MACROD2: variants seen among roughly 807,000 people sequenced by gnomAD.
MACROD2 encodes the protein ADP-ribose glycohydrolase MACROD2.
In MACROD2, 36 loss-of-function variants were observed where a neutral mutation model predicts 70.4. That is an observed-to-expected ratio of 0.51 (90% confidence interval 0.39 to 0.68). The LOEUF (loss-of-function observed/expected upper bound fraction) is 0.68. Ranked by LOEUF, MACROD2 falls within the 30% of genes least tolerant of loss-of-function variation. The pLI, the probability that MACROD2 is intolerant of heterozygous loss-of-function variation, is 0.00. For synonymous variants in MACROD2, 172 were observed against 178.8 expected (o/e 0.96, Z 0.30); for missense variants, 496 against 538.4 (o/e 0.92, Z 0.78).
At chr20:15,577,796 C>T (rs1026084540) in intron 8 of MACROD2, among the ~76,000 whole-genome samples, 5 of 152,132 alleles carry the variant, frequency 3.3e-5, no homozygotes, top group African/African-American at 1.2e-4. Flanking sequence ...TCATTGTTTT[C>T]TCCCGTGACT....
At chr20:14,336,908 A>G (rs577953372) in intron 3 of MACROD2, among the ~76,000 whole-genome samples, 4 of 152,340 alleles carry the variant, frequency 2.6e-5, no homozygotes, top group African/African-American at 2.4e-5. Context: ...ACAGAGGCAC[A>G]TAAGTCTCCA....
chr20:15,245,070 C>T (rs77249529), intron 6 of MACROD2, among the ~76,000 whole-genome samples: 12,303 of 152,232 alleles, frequency 0.081, 644 homozygotes, highest in Admixed American at 0.11. Context: ...AACCATTCAA[C>T]ATGGTAGTGT....
chr20:16,014,777 A>G (rs2066908324), intron 15 of MACROD2, among the ~76,000 whole-genome samples: 1 of 152,148 alleles, frequency 6.6e-6, no homozygotes, highest in Non-Finnish European at 1.5e-5. Context: ...TTGGCCAAGT[A>G]AAGACCCCGC....
intron 3 of MACROD2, among the ~76,000 whole-genome samples, chr20:14,466,577 C>T (rs6135155): frequency 0.26 from 40,145 of 152,032 alleles, 5,529 homozygotes; most frequent in Admixed American, 0.31. Flanking sequence ...TTGCTGGTGA[C>T]GAGCTGCGTT....
In MACROD2 at chr20:14,327,069, T is replaced by C. The variant is rs2122580826; in HGVS notation, c.272-166410T>C. The C allele has an allele frequency of 1.9e-6, 3 of 1,613,774 alleles. No individual in the cohort carries two copies. The East Asian group carries it at 6.7e-5, about 36-fold the overall frequency. ...AGTTGCTGTCTCGGAATGCTCCCTC[T>C]TCTATGCTAACTGCAGAGACAGAGT... On this transcript the variant is annotated intron_variant, in intron 3 of 17. Transcript: ENST00000684519.
intron 3 of MACROD2, chr20:14,325,455 C>T: frequency 7.9e-6 from 10 of 1,258,304 alleles, no homozygotes; most frequent in African/African-American, 6.0e-5. Context: ...TGCTTTTTTT[C>T]AGTCTCTTTT....
Position 15,986,802 on chromosome 20 carries a change from G to C in MACROD2, c.1060+1G>C. The C allele has an allele frequency of 6.2e-7, 1 of 1,603,828 alleles. No individual in the cohort carries two copies. Among genetic ancestry groups the C allele is most frequent in the South Asian group, 1.1e-5 (1 of 90,644 alleles). ...CAGAGCTCATATATGGAAACAGAAG[G>C]TACTGAAACCAAAATATATTGTTAT... On this transcript the variant is annotated splice_donor_variant, in intron 14 of 17. Coordinates refer to ENST00000684519, the MANE Select transcript of MACROD2 (RefSeq NM_001351661.2). LOFTEE classifies it high-confidence loss of function.
intron 5 of MACROD2, chr20:14,884,326 T>G (rs2073645260): frequency 6.6e-6 from 1 of 152,414 alleles, no homozygotes; most frequent in South Asian, 2.1e-4. Context: ...CAGAAAAGGC[T>G]TGACTGTGCT....
intron 5 of MACROD2, among the ~76,000 whole-genome samples, chr20:15,029,981 C>A (rs944982454): frequency 6.6e-6 from 1 of 151,230 alleles, no homozygotes; most frequent in Non-Finnish European, 1.5e-5. Flanking sequence ...ACCCAGCTAC[C>A]CAGGAGGCTG....
intron 5 of MACROD2, among the ~76,000 whole-genome samples, chr20:14,800,884 A>G (rs1443933656): frequency 6.6e-6 from 1 of 150,962 alleles, no homozygotes; most frequent in African/African-American, 2.4e-5. Flanking sequence ...CACAGCTTGG[A>G]TGGTGGGTTT....
chr20:14,509,726 C>G (rs2085008319), intron 4 of MACROD2, among the ~76,000 whole-genome samples: 1 of 151,832 alleles, frequency 6.6e-6, no homozygotes, highest in African/African-American at 2.4e-5. Flanking sequence ...AGAATAATCT[C>G]TGGCACATTA....
At chr20:14,946,615 G>A (rs2074434694) in intron 5 of MACROD2, among the ~76,000 whole-genome samples, 2 of 151,940 alleles carry the variant, frequency 1.3e-5, no homozygotes, top group Admixed American at 1.3e-4. Context: ...TGTTTTGTAT[G>A]CTGAAATAAA....
rs906635761 is a variant in MACROD2, at chr20:15,696,136, T to C, written c.646-166609T>C. Among the ~76,000 whole-genome samples the C allele has an allele frequency of 4.7e-3, 710 of 152,298 alleles. 21 individuals are homozygous for C. The highest frequency in any genetic ancestry group is 9.9e-4 in the Non-Finnish European group (67 of 68,014). On this transcript the variant is annotated intron_variant, in intron 8 of 17. Coordinates refer to ENST00000684519, the MANE Select transcript of MACROD2 (RefSeq NM_001351661.2). ...GTCTTGTTCCAGTTCTCAGAGGGAA[T>C]GCTTTCAACTTTTCCCCATTCAGTA...
intron 8 of MACROD2, among the ~76,000 whole-genome samples, chr20:15,689,646 G>T (rs1345951124): frequency 6.6e-6 from 1 of 152,162 alleles, no homozygotes; most frequent in African/African-American, 2.4e-5. Flanking sequence ...GACTACATGG[G>T]AGGCAGCAGG....
chr20:15,833,741 TGGA>T (rs2064083012), intron 8 of MACROD2, among the ~76,000 whole-genome samples: 1 of 152,222 alleles, frequency 6.6e-6, no homozygotes, highest in Non-Finnish European at 1.5e-5. Context: ...TCTTCATCAG[TGGA>T]GATCCCCAAT....
At chr20:15,970,946 G>C (rs2066221348) in intron 13 of MACROD2, among the ~76,000 whole-genome samples, 1 of 152,112 alleles carries the variant, frequency 6.6e-6, no homozygotes, top group African/African-American at 2.4e-5. Flanking sequence ...TTAAAAGTGA[G>C]ACTTGAAAGG....
chr20:14,356,498 C>CT (rs71190132), intron 3 of MACROD2, among the ~76,000 whole-genome samples: 1,446 of 76,782 alleles, frequency 0.019, 39 homozygotes, highest in African/African-American at 0.022. Flanking sequence ...GATCTACTTT[C>CT]TTTTTTTTTT....
At chr20:16,035,029 C>G (rs1297113250) in intron 15 of MACROD2, among the ~76,000 whole-genome samples, 2 of 113,226 alleles carry the variant, frequency 1.8e-5, no homozygotes, top group African/African-American at 6.0e-5. Context: ...TATCATATAA[C>G]TAATATATAA....
rs531953691 is a variant in MACROD2 at position 14,581,664 on chromosome 20, C to T, written c.301+88156C>T. Among the ~76,000 whole-genome samples the T allele has an allele frequency of 1.7e-3, 259 of 152,288 alleles. 1 individual carries two copies. Among genetic ancestry groups the T allele is most frequent in the African/African-American group, 5.8e-3 (242 of 41,572 alleles). On this transcript the variant is annotated intron_variant, in intron 4 of 17. Transcript: ENST00000684519. ...TGTGGACACTTTGATGGACAGAGTG[C>T]ATTTTAATATGAGCATTAGACATCT...
Sources: allele counts gnomAD v4.1 joint callset (sites outside exome capture counted in the v4.1 genomes callset), GRCh38; gene constraint gnomAD v4.1.1; transcripts MANE v1.5; gene names NCBI Gene and HGNC (gene_info 2026-07-23, HGNC 2026-07-21).